Variants in BBIP1 observed in about 807,000 individuals in gnomAD.
BBIP1 encodes the protein BBSome interacting protein 1.
Under a neutral mutation model 8.9 loss-of-function variants are expected in BBIP1, and 6 were observed. The observed-to-expected ratio is 0.67, with a 90% confidence interval of 0.37 to 1.33. The LOEUF (loss-of-function observed/expected upper bound fraction) is 1.33, where lower values mean the gene tolerates loss of function less well. Among genes scored for constraint, BBIP1 ranks in the 40% most tolerant of loss-of-function variants. The pLI is 0.02. For missense variants in BBIP1, 111 were observed against 109.2 expected (o/e 1.02, Z -0.07); for synonymous variants, 32 against 33.4 (o/e 0.96, Z 0.14).
intron 2 of BBIP1, chr10:110,903,058 TTTC>T (rs1221587717): frequency 1.3e-5 from 2 of 152,190 alleles, no homozygotes; most frequent in Non-Finnish European, 2.9e-5. Context: ...TATGATCACA[TTTC>T]TTTATTTGAA....
chr10:110,901,440 G>A (rs1845999810), intron 3 of BBIP1, 98 bp downstream of exon 3: 1 of 791,924 alleles, frequency 1.3e-6, no homozygotes, highest in African/African-American at 1.7e-5. Context: ...GAACACAATA[G>A]CTGCAGATGT....
At chr10:110,914,356 G>A (rs1198293447) in intron 2 of BBIP1, among the ~76,000 whole-genome samples, 1 of 151,884 alleles carries the variant, frequency 6.6e-6, no homozygotes, top group Non-Finnish European at 1.5e-5. Flanking sequence ...GGTGAGAATG[G>A]TAGAATAACA....
chr10:110,909,398 G>A (rs534764162), intron 2 of BBIP1, among the ~76,000 whole-genome samples: 1 of 152,156 alleles, frequency 6.6e-6, no homozygotes, highest in Admixed American at 6.5e-5. Context: ...GTTTCATCAT[G>A]TTGGCCAGGA....
chr10:110,901,621 AG>A lies in BBIP1; in HGVS notation c.38-10del, dbSNP rs1217904187. ...GGATATAGTGTTTTTTCCTTCAATG[AG>A]AAATCAGTATTATTCAAGAATACAT... On this transcript the variant is annotated splice_polypyrimidine_tract_variant and intron_variant, in intron 2 of 3. Transcript: ENST00000448814. 1.3e-6 allele frequency: 2 copies of A among 1,518,470 alleles called. No homozygotes were observed. The highest frequency in any genetic ancestry group is 1.8e-6 in the Non-Finnish European group (2 of 1,130,924). The allele number at this position is 1,518,470 out of a possible 1,614,324, so 94.1% of individuals were successfully genotyped here.
intron 2 of BBIP1, chr10:110,907,783 G>T: frequency 1.4e-6 from 1 of 702,164 alleles, no homozygotes; most frequent in South Asian, 1.5e-5. Context: ...GTTGTTCTTT[G>T]AGATGTTAAT....
intron 3 of BBIP1, 90 bp downstream of exon 3, chr10:110,901,448 T>C: frequency 1.2e-6 from 1 of 845,434 alleles, no homozygotes; most frequent in Non-Finnish European, 1.9e-6. Context: ...TAGCTGCAGA[T>C]GTTTAGCTAT....
At chr10:110,912,112 G>A (rs1045785535) in intron 2 of BBIP1, 2 of 151,602 alleles carry the variant, frequency 1.3e-5, no homozygotes, top group East Asian at 1.9e-4. Flanking sequence ...TGTCACAGTC[G>A]GACCAATATA....
chr10:110,913,719 G>A (rs1204153655), intron 2 of BBIP1, among the ~76,000 whole-genome samples: 1 of 152,186 alleles, frequency 6.6e-6, no homozygotes, highest in East Asian at 1.9e-4. Flanking sequence ...GCCTAACCTA[G>A]AGAAGTAAAT....
chr10:110,907,491 T>C, intron 2 of BBIP1: 1 of 431,312 alleles, frequency 2.3e-6, no homozygotes, highest in Non-Finnish European at 4.0e-6. Flanking sequence ...CTAGCTTAGG[T>C]GACAGAGTAA....
chr10:110,899,357 T>C lies in BBIP1; in HGVS notation c.*1003A>G, dbSNP rs1845916021. The C allele has an allele frequency of 6.6e-6, 1 of 152,250 alleles. No homozygotes were observed. Among genetic ancestry groups the C allele is most frequent in the Non-Finnish European group, 1.5e-5 (1 of 68,044 alleles). The allele number at this position is 152,250 out of a possible 1,614,324, so 9.4% of individuals were successfully genotyped here. On this transcript the variant is annotated 3_prime_UTR_variant, in exon 4 of 4. Coordinates refer to ENST00000448814, the MANE Select transcript of BBIP1 (RefSeq NM_001195305.3). ...CCTCATGGGCTTTATCAAGCCCATA[T>C]TACCTCAGCTTATATATAGTTACCA... is the stretch of plus-strand genomic sequence containing the variant.
At chr10:110,919,352 C>A (rs760750507), upstream of BBIP1, 16 of 375,666 alleles carry the variant, frequency 4.3e-5, no homozygotes, top group African/African-American at 2.1e-4. Context: ...GGGCGGGAGA[C>A]GGCGTAGAGG....
intron 2 of BBIP1, chr10:110,910,751 G>T (rs966925738): frequency 6.6e-6 from 1 of 152,134 alleles, no homozygotes; most frequent in Non-Finnish European, 1.5e-5. Flanking sequence ...AATTCATACC[G>T]GAAACACAGA....
At chr10:110,907,971 T>C in intron 2 of BBIP1, 1 of 541,862 alleles carries the variant, frequency 1.8e-6, no homozygotes. Flanking sequence ...GATTCTGGAA[T>C]TCTTTAAAAG....
intron 2 of BBIP1, among the ~76,000 whole-genome samples, chr10:110,913,321 G>T (rs1846322004): frequency 6.6e-6 from 1 of 152,126 alleles, no homozygotes; most frequent in Non-Finnish European, 1.5e-5. Flanking sequence ...ATTATTCCAG[G>T]ACTAATTTTC....
At chr10:110,911,216 T>C (rs1223156555) in intron 2 of BBIP1, 1 of 152,162 alleles carries the variant, frequency 6.6e-6, no homozygotes, top group Non-Finnish European at 1.5e-5. Context: ...AAAATAAGCT[T>C]ATTAACATGT....
intron 2 of BBIP1, chr10:110,903,780 A>C (rs768647283): frequency 1.3e-5 from 2 of 152,240 alleles, no homozygotes; most frequent in Non-Finnish European, 2.9e-5. Flanking sequence ...AACCTAGGCT[A>C]TATGGTAGAG....
chr10:110,915,071 C>T lies in BBIP1; in HGVS notation c.37+3050G>A, dbSNP rs976955320. ...GCTTAAAGCCCAGTCCCCAAATCATCGCATCAAAACTCCCTGTACAATTAT... is the reference window on the plus strand; with the variant it reads ...GCTTAAAGCCCAGTCCCCAAATCATTGCATCAAAACTCCCTGTACAATTAT... On this transcript the variant is annotated intron_variant, in intron 2 of 3. Coordinates refer to ENST00000448814, the MANE Select transcript of BBIP1 (RefSeq NM_001195305.3). Among the ~76,000 whole-genome samples the T allele has an allele frequency of 3.9e-5, 6 of 152,318 alleles. No individual in the cohort carries two copies. The South Asian group carries it at 8.3e-4, about 21-fold the overall frequency.
At chr10:110,907,769 C>A in intron 2 of BBIP1, 1 of 702,368 alleles carries the variant, frequency 1.4e-6, no homozygotes, top group Non-Finnish European at 2.6e-6. Flanking sequence ...GATACAATAA[C>A]CACGTTGTTC....
At position 110,901,512 on chromosome 10, in the gene BBIP1, G is replaced by A. The variant is rs1382905402; in HGVS notation, c.112+26C>T. ...CTTCTTTAGTCCTGTAATAATCAATGACCTCAATATTTGTGATGTACATAC... is the reference window on the plus strand; with the variant it reads ...CTTCTTTAGTCCTGTAATAATCAATAACCTCAATATTTGTGATGTACATAC... On this transcript the variant is annotated intron_variant, in intron 3 of 3. Transcript: ENST00000448814. The A allele has an allele frequency of 6.1e-6, 9 of 1,485,172 alleles. No individual in the cohort carries two copies. In the South Asian group the frequency reaches 1.1e-4, roughly 18 times the overall value. The allele number at this position is 1,485,172 out of a possible 1,614,324, so 92.0% of individuals were successfully genotyped here.
Sources: allele counts gnomAD v4.1 joint callset (sites outside exome capture counted in the v4.1 genomes callset), GRCh38; gene constraint gnomAD v4.1.1; transcripts MANE v1.5; gene names NCBI Gene and HGNC (gene_info 2026-07-23, HGNC 2026-07-21).